Variants in IFT88 observed in about 807,000 individuals in gnomAD.
IFT88 encodes intraflagellar transport protein 88 homolog.
A neutral mutation model predicts 119.5 loss-of-function variants in IFT88; 74 were observed. That is an observed-to-expected ratio of 0.62 (90% CI 0.51 to 0.75). IFT88 has a LOEUF of 0.75. Ranked by LOEUF, IFT88 falls within the 30% of genes least tolerant of loss-of-function variation. The pLI, the probability that IFT88 is intolerant of heterozygous loss-of-function variation, is 0.00. For synonymous variants in IFT88, 279 were observed against 316.7 expected, an observed-to-expected ratio of 0.88 and a Z score of 1.26; for missense variants, 961 against 977.7, an observed-to-expected ratio of 0.98 and a Z score of 0.23.
At chr13:20,568,189 A>G (rs2137665860) in intron 1 of IFT88, among the ~76,000 whole-genome samples, 1 of 152,310 alleles carries the variant, frequency 6.6e-6, no homozygotes, top group African/African-American at 2.4e-5. Context: ...TAAAAAAAAA[A>G]AAGGTTTTGC....
chr13:20,613,151 T>A (rs1168313167), intron 13 of IFT88, among the ~76,000 whole-genome samples: 1 of 152,064 alleles, frequency 6.6e-6, no homozygotes, highest in Non-Finnish European at 1.5e-5. Context: ...AGTGAAAAAA[T>A]GACCTACTGA....
intron 22 of IFT88, among the ~76,000 whole-genome samples, chr13:20,659,686 C>T (rs141597394): frequency 0.01 from 1,579 of 151,028 alleles, 23 homozygotes; most frequent in African/African-American, 0.035. Flanking sequence ...CTCTGTCACC[C>T]AGGCTAGAGT....
chr13:20,640,337 G>T (rs533938017), intron 17 of IFT88, among the ~76,000 whole-genome samples: 1 of 150,766 alleles, frequency 6.6e-6, no homozygotes, highest in East Asian at 2.0e-4. Context: ...CTTTGGGAGG[G>T]CCAAGGCAGG....
chr13:20,635,340 A>C (rs1490392741), intron 16 of IFT88, among the ~76,000 whole-genome samples: 1 of 152,220 alleles, frequency 6.6e-6, no homozygotes, highest in African/African-American at 2.4e-5. Context: ...CTGTCCCATC[A>C]TACATGCAAC....
chr13:20,688,477 C>CAT (rs1351520183), intron 24 of IFT88, among the ~76,000 whole-genome samples: 3 of 152,214 alleles, frequency 2.0e-5, no homozygotes, highest in Non-Finnish European at 4.4e-5. Flanking sequence ...AGCTAGAATA[C>CAT]ATATTATATC....
intron 9 of IFT88, 23 bp downstream of exon 9, chr13:20,597,142 A>G (rs941886341): frequency 7.3e-7 from 1 of 1,367,100 alleles, no homozygotes. Flanking sequence ...ATATAACACA[A>G]TTTTTAAATA....
chr13:20,662,858 C>A (rs2054043667), intron 22 of IFT88, among the ~76,000 whole-genome samples: 2 of 151,936 alleles, frequency 1.3e-5, no homozygotes, highest in African/African-American at 4.8e-5. Flanking sequence ...TTTATAAGAC[C>A]CAATAGCAAG....
Position 20,638,453 on chromosome 13 carries a change from C to G in IFT88, c.1508C>G (p.Ala503Gly). The change falls in exon 17 of 26, where the codon GCC (alanine) becomes GGC (glycine). Residue 503 changes from alanine (A) to glycine (G), a missense_variant. Transcript: ENST00000351808. Reference protein sequence around the residue: ...TVFANGDYEKAAEFYKEALRN... With the variant: ...TVFANGDYEKGAEFYKEALRN... ...TTTGCAAATGGTGATTATGAGAAGG[C>G]CGCTGAATTCTATAAAGAGGCTCTA... The G allele has an allele frequency of 6.6e-7, 1 of 1,526,688 alleles. No individual in the cohort carries two copies. The highest frequency in any genetic ancestry group is 8.7e-7 in the Non-Finnish European group (1 of 1,143,378). The allele number at this position is 1,526,688 out of a possible 1,614,324, so 94.6% of individuals were successfully genotyped here.
intron 20 of IFT88, among the ~76,000 whole-genome samples, chr13:20,645,175 C>T (rs930645982): frequency 1.1e-4 from 16 of 152,104 alleles, no homozygotes; most frequent in South Asian, 2.1e-4. Context: ...CTGCAACCTC[C>T]GCCTCCCAGG....
At chr13:20,670,731 G>A (rs538090160) in intron 23 of IFT88, among the ~76,000 whole-genome samples, 3 of 151,522 alleles carry the variant, frequency 2.0e-5, no homozygotes, top group African/African-American at 4.9e-5. Flanking sequence ...CCAAGGTTAC[G>A]CTGCACTTTT....
Position 20,591,619 on chromosome 13 carries a change from A to G in IFT88, c.266A>G (p.Asp89Gly). The G allele has an allele frequency of 1.2e-6, 2 of 1,611,178 alleles. No individual in the cohort carries two copies. Among genetic ancestry groups the G allele is most frequent in the Non-Finnish European group, 1.7e-6 (2 of 1,177,742 alleles). ...IGRPMTGAIQ[D>G]GVTRPMTAVR... ...AAATGATTCCCATTCTCTTTAAAGG[A>G]TGGAGTTACTAGACCCATGACAGCA... The change falls in exon 6 of 26, where the codon GAT (aspartate) becomes GGT (glycine). Residue 89 changes from aspartate (D) to glycine (G), a missense_variant and splice_region_variant. Coordinates refer to ENST00000351808, the MANE Select transcript of IFT88 (RefSeq NM_006531.5).
chr13:20,664,169 G>A (rs2054270771), intron 23 of IFT88, among the ~76,000 whole-genome samples: 2 of 152,166 alleles, frequency 1.3e-5, no homozygotes, highest in Non-Finnish European at 2.9e-5. Context: ...AAAAAGATTT[G>A]TATAAACTTA....
At chr13:20,632,357 G>T (rs1304160872) in intron 16 of IFT88, among the ~76,000 whole-genome samples, 1 of 152,142 alleles carries the variant, frequency 6.6e-6, no homozygotes, top group Non-Finnish European at 1.5e-5. Context: ...AACTGTTCAT[G>T]CTGAGGTTGC....
At chr13:20,618,794 ATTC>A (rs1175315337) in intron 14 of IFT88, among the ~76,000 whole-genome samples, 2 of 152,058 alleles carry the variant, frequency 1.3e-5, no homozygotes, top group Admixed American at 6.6e-5. Flanking sequence ...TTTACTATGA[ATTC>A]TTCTGGCATT....
At chr13:20,603,566 A>C (rs1359160365) in intron 12 of IFT88, among the ~76,000 whole-genome samples, 1 of 152,108 alleles carries the variant, frequency 6.6e-6, no homozygotes, top group East Asian at 1.9e-4. Context: ...ATTATAGGTG[A>C]GGATTAAATG....
intron 14 of IFT88, among the ~76,000 whole-genome samples, chr13:20,620,780 C>T (rs2497478): frequency 0.16 from 25,010 of 152,024 alleles, 2,402 homozygotes; most frequent in African/African-American, 0.25. Context: ...TAGCCTGGCT[C>T]GGCCTCCCAA....
At chr13:20,581,015 G>A (rs1207003285) in intron 2 of IFT88, among the ~76,000 whole-genome samples, 5 of 151,928 alleles carry the variant, frequency 3.3e-5, no homozygotes, top group African/African-American at 7.3e-5. Context: ...ATGAGCCACC[G>A]CCCCGGCCTG....
At chr13:20,639,610 G>C (rs1331900638) in intron 17 of IFT88, among the ~76,000 whole-genome samples, 1 of 152,128 alleles carries the variant, frequency 6.6e-6, no homozygotes, top group Non-Finnish European at 1.5e-5. Flanking sequence ...TCTGGGAAGA[G>C]AGCATTGAAG....
intron 12 of IFT88, among the ~76,000 whole-genome samples, chr13:20,604,680 C>T (rs1358569072): frequency 6.6e-6 from 1 of 152,206 alleles, no homozygotes; most frequent in African/African-American, 2.4e-5. Context: ...CGTGGCTGGA[C>T]ATGATGGCTT....
Sources: allele counts gnomAD v4.1 joint callset (sites outside exome capture counted in the v4.1 genomes callset), GRCh38; gene constraint gnomAD v4.1.1; transcripts MANE v1.5; gene names NCBI Gene and HGNC (gene_info 2026-07-23, HGNC 2026-07-21).